The following ANO2 variants were observed in gnomAD, a reference collection of about 807,000 sequenced individuals.
ANO2 encodes the protein anoctamin-2.
ANO2 carries 101 observed loss-of-function variants against 124.2 expected under a neutral mutation model. The ratio of observed to expected loss-of-function variants is 0.81; its 90% CI spans 0.69 to 0.96. ANO2 has a LOEUF of 0.96. Ranked by LOEUF, ANO2 falls within the 40% of genes least tolerant of loss-of-function variation. The pLI is 0.00. For missense variants in ANO2, 1,293 were observed against 1,274.5 expected (o/e 1.01, Z -0.22); for synonymous variants, 486 against 482.5 (o/e 1.01, Z -0.09).
intron 14 of ANO2, among the ~76,000 whole-genome samples, chr12:5,720,031 T>C (rs1187983816): frequency 6.6e-6 from 1 of 152,118 alleles, no homozygotes; most frequent in East Asian, 1.9e-4. Flanking sequence ...TTCTTTATTC[T>C]TTATGAAAGT....
chr12:5,915,449 G>C (rs1247028021), intron 3 of ANO2, among the ~76,000 whole-genome samples: 3 of 148,386 alleles, frequency 2.0e-5, no homozygotes, highest in African/African-American at 7.3e-5. Flanking sequence ...GGTGGGAAGT[G>C]AATTATCTGC....
At chr12:5,868,638 GA>G (rs1955494934) in intron 3 of ANO2, among the ~76,000 whole-genome samples, 1 of 151,990 alleles carries the variant, frequency 6.6e-6, no homozygotes, top group East Asian at 1.9e-4. Flanking sequence ...TTTTTTCCTA[GA>G]AAAAGCTGGC....
intron 14 of ANO2, among the ~76,000 whole-genome samples, chr12:5,670,536 T>A (rs1047470133): frequency 1.4e-4 from 21 of 152,208 alleles, no homozygotes; most frequent in African/African-American, 4.1e-4. Flanking sequence ...ATTAATTTTT[T>A]AAATTTATTT....
At chr12:5,740,096 A>G in intron 12 of ANO2, 1 of 411,774 alleles carries the variant, frequency 2.4e-6, no homozygotes. Context: ...CTTTCTCAGC[A>G]TGCTCTAGGA....
intron 10 of ANO2, among the ~76,000 whole-genome samples, chr12:5,760,564 AG>A (rs950150334): frequency 6.6e-5 from 10 of 152,202 alleles, no homozygotes; most frequent in Non-Finnish European, 1.0e-4. Context: ...GCTAGCTTTT[AG>A]GGGTTTCCTT....
Position 5,769,130 on chromosome 12 carries a change from G to A in ANO2, c.1056-18160C>T, listed in dbSNP as rs184231246. ...GAAGAAAACACACCATTTGCAAGGA[G>A]AGGACCCTAGATTTACGACACTCTC... On this transcript the variant is annotated intron_variant, in intron 10 of 24. Transcript: ENST00000682330. This position sits in a 1 kb window ranked among gnomAD's most constrained non-coding sequence, Gnocchi z 4.0. Among the ~76,000 whole-genome samples, 17 of 152,314 alleles carry A rather than the reference G, an allele frequency of 1.1e-4. No individual in the cohort carries two copies. In the East Asian group the frequency reaches 3.3e-3, roughly 29 times the overall value.
chr12:5,774,877 A>C (rs1952182445), intron 10 of ANO2, among the ~76,000 whole-genome samples: 2 of 152,244 alleles, frequency 1.3e-5, no homozygotes, highest in Non-Finnish European at 2.9e-5. Context: ...TTCTGCACCT[A>C]GGCATTGCAT....
intron 3 of ANO2, among the ~76,000 whole-genome samples, chr12:5,899,823 T>C (rs1490643634): frequency 1.3e-5 from 2 of 152,194 alleles, no homozygotes; most frequent in Non-Finnish European, 2.9e-5. Flanking sequence ...TTTATGCACA[T>C]GGGTTTCTGC....
intron 10 of ANO2, among the ~76,000 whole-genome samples, chr12:5,772,530 G>A (rs901079083): frequency 5.3e-5 from 8 of 152,064 alleles, no homozygotes; most frequent in Admixed American, 1.3e-4. Context: ...CTAATTTTTC[G>A]CTGTAATATG....
At chr12:5,768,797 G>A (rs1951978097) in intron 10 of ANO2, among the ~76,000 whole-genome samples, 1 of 152,176 alleles carries the variant, frequency 6.6e-6, no homozygotes, top group Non-Finnish European at 1.5e-5. Flanking sequence ...CCCCTGAGCT[G>A]GGTACGGGCC....
chr12:5,659,694 C>G (rs1405571577), intron 14 of ANO2, among the ~76,000 whole-genome samples: 1 of 152,236 alleles, frequency 6.6e-6, no homozygotes, highest in Non-Finnish European at 1.5e-5. Context: ...CTTCTCCCCT[C>G]CTGGGGTCCA....
chr12:5,865,161 C>T (rs1395509045), intron 3 of ANO2, among the ~76,000 whole-genome samples: 1 of 152,216 alleles, frequency 6.6e-6, no homozygotes, highest in African/African-American at 2.4e-5. Context: ...AGAATCTTTA[C>T]ACTATTTTCC....
chr12:5,733,494 C>A (rs1200175436), intron 13 of ANO2, among the ~76,000 whole-genome samples: 1 of 152,194 alleles, frequency 6.6e-6, no homozygotes, highest in Non-Finnish European at 1.5e-5. Context: ...CATGTTCCTG[C>A]ATCGTTTATC....
In ANO2 at chr12:5,920,969, C is replaced by T. The variant is rs1234389918; in HGVS notation, c.534+71G>A. On this transcript the variant is annotated intron_variant, in intron 3 of 24. Transcript: ENST00000682330. ...AAAGCCTAGGCTCTCTGTCAGGTGG[C>T]ACTGCTCACTAGGAGCCCGGTTCTG... is the stretch of plus-strand genomic sequence containing the variant. The T allele has an allele frequency of 2.7e-6, 4 of 1,486,714 alleles. No individual in the cohort carries two copies. The African/African-American group carries it at 5.5e-5, about 21-fold the overall frequency. The allele number at this position is 1,486,714 out of a possible 1,614,324, so 92.1% of individuals were successfully genotyped here.
intron 20 of ANO2, among the ~76,000 whole-genome samples, chr12:5,595,233 C>G (rs1253416763): frequency 6.6e-6 from 1 of 152,132 alleles, no homozygotes; most frequent in Non-Finnish European, 1.5e-5. Flanking sequence ...GGGTGTCACT[C>G]TGTCACTTAG....
In ANO2 at chr12:5,832,596, T is replaced by A; in HGVS notation, c.641A>T (p.Glu214Val). 1 of 1,612,494 alleles carries A rather than the reference T, an allele frequency of 6.2e-7. No homozygotes were observed. The highest frequency in any genetic ancestry group is 8.5e-7 in the Non-Finnish European group (1 of 1,179,172). The change falls in exon 5 of 25, where the codon GAG (glutamate) becomes GTG (valine). Residue 214 changes from glutamate to valine, a missense_variant. Glu to Val is a moderately radical substitution (Grantham distance 121). Coordinates refer to ENST00000682330, the MANE Select transcript of ANO2 (RefSeq NM_001364791.2). ...TGCAATGCTGCCTCCTGCTTTGATCTCGTACATCTATGAAAGGAAGAGCCA... is the reference window on the plus strand; with the variant it reads ...TGCAATGCTGCCTCCTGCTTTGATCACGTACATCTATGAAAGGAAGAGCCA... ...KIKVPTKKMY[E>V]IKAGGSIAKK...
chr12:5,585,974 C>T (rs928892266), intron 20 of ANO2, among the ~76,000 whole-genome samples: 2 of 152,190 alleles, frequency 1.3e-5, no homozygotes, highest in Non-Finnish European at 2.9e-5. Context: ...CGGGGAACCA[C>T]AATGCAGCTA....
intron 3 of ANO2, among the ~76,000 whole-genome samples, chr12:5,887,768 A>G (rs1246352968): frequency 6.6e-6 from 1 of 152,046 alleles, no homozygotes; most frequent in East Asian, 1.9e-4. Context: ...GCTTTTTACA[A>G]GCGTTATCCT....
intron 6 of ANO2, 51 bp from the exon 7 acceptor site, chr12:5,827,871 C>A (rs1380501111): frequency 1.9e-6 from 3 of 1,573,208 alleles, no homozygotes; most frequent in Admixed American, 1.8e-5. Context: ...CCCCCGCCCT[C>A]CACCGTGTGT....
Sources: allele counts gnomAD v4.1 joint callset (sites outside exome capture counted in the v4.1 genomes callset), GRCh38; gene constraint gnomAD v4.1.1; non-coding constraint Gnocchi (gnomAD v3.1); transcripts MANE v1.5; gene names NCBI Gene and HGNC (gene_info 2026-07-23, HGNC 2026-07-21).